The following EYS variants were observed in gnomAD, a reference collection of about 807,000 sequenced individuals.
EYS encodes the protein protein eyes shut homolog.
In EYS, 250 loss-of-function variants were observed where a neutral mutation model predicts 282.1. The observed-to-expected ratio is 0.89, with a 90% CI of 0.80 to 0.98. EYS has a LOEUF of 0.98. Among genes scored for constraint, EYS ranks in the 50% least tolerant of loss-of-function variants. The pLI is 0.00. For synonymous variants in EYS, 1,355 were observed against 1,282.9 expected, an observed-to-expected ratio of 1.06 and a Z score of -1.20; for missense variants, 4,016 against 3,709.0, an observed-to-expected ratio of 1.08 and a Z score of -2.15.
In EYS at chr6:63,790,126, G is replaced by A. The variant is rs564823874; in HGVS notation, c.7412-902C>T. 3.3e-5 allele frequency among the ~76,000 whole-genome samples: 5 copies of A among 152,296 alleles called. No individual in the cohort carries two copies. The South Asian group carries it at 6.2e-4, about 19-fold the overall frequency. ...GGAAGAACGTAAGAACCCCCTAGAA[G>A]TAAGAGGTTTAAGCATGGGAGAAAA... On this transcript the variant is annotated intron_variant, in intron 37 of 42. Coordinates refer to ENST00000503581, the MANE Select transcript of EYS (RefSeq NM_001142800.2).
intron 31 of EYS, among the ~76,000 whole-genome samples, chr6:64,112,855 T>G (rs573908976): frequency 3.9e-4 from 59 of 151,394 alleles, no homozygotes; most frequent in African/African-American, 1.3e-3. Flanking sequence ...TTAGTAGTTT[T>G]TTGGTTACAA....
In EYS at chr6:64,101,593, G is replaced by A. The variant is rs190049347; in HGVS notation, c.6425-19591C>T. 1.3e-3 allele frequency among the ~76,000 whole-genome samples: 199 copies of A among 152,040 alleles called. 1 individual carries two copies. The highest frequency in any genetic ancestry group is 4.3e-3 in the Admixed American group (65 of 15,262). On this transcript the variant is annotated intron_variant, in intron 31 of 42. Coordinates refer to ENST00000503581, the MANE Select transcript of EYS (RefSeq NM_001142800.2). The stretch of plus-strand genomic sequence containing the variant: ...AATGATTTTGTTTGTTAGGTTTATC[G>A]GTATGTCTCTACAAATATGAAAAAT...
intron 1 of EYS, among the ~76,000 whole-genome samples, chr6:65,673,599 T>C (rs2149833920): frequency 6.6e-6 from 1 of 152,168 alleles, no homozygotes; most frequent in African/African-American, 2.4e-5. Flanking sequence ...CTGAGCTTGA[T>C]GAGGCGTGTT....
Position 64,912,732 on chromosome 6 carries a change from G to T in EYS, c.2393C>A (p.Thr798Lys). The change falls in exon 16 of 43, where the codon ACA becomes AAA. Residue 798 changes from threonine (T) to lysine (K), a missense_variant. Transcript: ENST00000503581. ...DLYKSYRCEC[T>K]SGWTGQNCSE... ...ACAGTTCTGTCCAGTCCATCCAGATGTACACTCACATCTGAAATAAAATAT... is the reference window on the plus strand; with the variant it reads ...ACAGTTCTGTCCAGTCCATCCAGATTTACACTCACATCTGAAATAAAATAT... 1 of 1,374,946 alleles carries T rather than the reference G, an allele frequency of 7.3e-7. No homozygotes were observed. Among genetic ancestry groups the T allele is most frequent in the South Asian group, 2.0e-5 (1 of 51,090 alleles). 85.2% of individuals were successfully genotyped at this position (1,374,946 alleles called of 1,614,324 possible).
At chr6:64,681,466 T>C (rs902768587) in intron 22 of EYS, among the ~76,000 whole-genome samples, 4 of 152,068 alleles carry the variant, frequency 2.6e-5, no homozygotes, top group Non-Finnish European at 5.9e-5. Context: ...GAAACAGCTG[T>C]TTGATGTAGC....
At chr6:64,219,848 G>C (rs1384714194) in intron 31 of EYS, among the ~76,000 whole-genome samples, 1 of 152,120 alleles carries the variant, frequency 6.6e-6, no homozygotes, top group Admixed American at 6.5e-5. Flanking sequence ...ACACTATGCA[G>C]CCATAAAAAA....
At chr6:63,757,527 T>C (rs1769520242) in intron 41 of EYS, among the ~76,000 whole-genome samples, 1 of 152,116 alleles carries the variant, frequency 6.6e-6, no homozygotes, top group Non-Finnish European at 1.5e-5. Context: ...CTCAGAAGCA[T>C]GTGATCTTTG....
In EYS at chr6:64,508,415, G is replaced by A. The variant is rs577915459; in HGVS notation, c.5645-69063C>T. On this transcript the variant is annotated intron_variant, in intron 26 of 42. Coordinates refer to ENST00000503581, the MANE Select transcript of EYS (RefSeq NM_001142800.2). ...CACAATGTTAAATATGCAGTTGTTTGTATTCTGGGTCTGTTTCTCCAACCT... is the reference window on the plus strand; with the variant it reads ...CACAATGTTAAATATGCAGTTGTTTATATTCTGGGTCTGTTTCTCCAACCT... Among the ~76,000 whole-genome samples, 8 of 152,076 alleles carry A rather than the reference G, an allele frequency of 5.3e-5. No homozygotes were observed. In the South Asian group the frequency reaches 1.7e-3, roughly 32 times the overall value.
At chr6:64,986,190 A>C (rs907391804) in intron 14 of EYS, among the ~76,000 whole-genome samples, 1 of 151,590 alleles carries the variant, frequency 6.6e-6, no homozygotes, top group Non-Finnish European at 1.5e-5. Flanking sequence ...AACGATTAAA[A>C]AAGAATATAG....
At chr6:64,440,486 T>G (rs1358549968) in intron 26 of EYS, among the ~76,000 whole-genome samples, 2 of 152,130 alleles carry the variant, frequency 1.3e-5, no homozygotes, top group Non-Finnish European at 2.9e-5. Context: ...TTTGTGTGTG[T>G]GTTTAATCAA....
intron 12 of EYS, among the ~76,000 whole-genome samples, chr6:65,180,611 C>T (rs1483399414): frequency 2.6e-5 from 4 of 152,054 alleles, no homozygotes; most frequent in African/African-American, 4.8e-5. Context: ...GAATCAATAT[C>T]GTGAAAATGG....
At chr6:64,255,807 G>A (rs1223185894) in intron 30 of EYS, among the ~76,000 whole-genome samples, 1 of 151,998 alleles carries the variant, frequency 6.6e-6, no homozygotes, top group Non-Finnish European at 1.5e-5. Context: ...CTTATGTACA[G>A]AGATAGCATG....
At chr6:65,399,159 A>G (rs1405234989) in intron 7 of EYS, among the ~76,000 whole-genome samples, 1 of 152,092 alleles carries the variant, frequency 6.6e-6, no homozygotes, top group Non-Finnish European at 1.5e-5. Flanking sequence ...AAATTGAGTC[A>G]GAGTGATCAT....
At chr6:64,492,309 A>G (rs528542339) in intron 26 of EYS, among the ~76,000 whole-genome samples, 11 of 151,332 alleles carry the variant, frequency 7.3e-5, no homozygotes, top group Non-Finnish European at 1.2e-4. Context: ...GTATTATTCA[A>G]TACTTAACAT....
intron 35 of EYS, among the ~76,000 whole-genome samples, chr6:63,874,700 T>C: frequency 6.6e-6 from 1 of 152,316 alleles, no homozygotes; most frequent in East Asian, 1.9e-4. Context: ...CTTTGTAAGT[T>C]GGATTCCGAG....
intron 35 of EYS, among the ~76,000 whole-genome samples, chr6:63,937,293 G>A (rs1765086372): frequency 7.6e-6 from 1 of 131,350 alleles, no homozygotes; most frequent in South Asian, 2.6e-4. Context: ...GCTATTATCT[G>A]AAGTGATATC....
intron 24 of EYS, among the ~76,000 whole-genome samples, chr6:64,595,824 CA>C (rs1766568105): frequency 6.6e-6 from 1 of 152,012 alleles, no homozygotes; most frequent in Non-Finnish European, 1.5e-5. Context: ...GGTTATGGAG[CA>C]GAAGAATTAA....
chr6:64,975,322 TA>T (rs1770442493), intron 14 of EYS, among the ~76,000 whole-genome samples: 1 of 151,830 alleles, frequency 6.6e-6, no homozygotes, highest in Non-Finnish European at 1.5e-5. Context: ...ACTATAAATA[TA>T]AATAATGTAA....
At chr6:63,758,751 G>A (rs554389731) in intron 41 of EYS, among the ~76,000 whole-genome samples, 1 of 152,128 alleles carries the variant, frequency 6.6e-6, no homozygotes, top group East Asian at 1.9e-4. Context: ...TCTGATCTTT[G>A]TATCTTCCAC....
Sources: gnomAD v4.1 joint callset for allele counts (sites outside exome capture counted in the v4.1 genomes callset) on GRCh38, gnomAD v4.1.1 for gene constraint, MANE v1.5 for transcripts, NCBI Gene and HGNC (gene_info 2026-07-23, HGNC 2026-07-21) for gene names.